The following CCDC171 variants were observed in gnomAD, a reference collection of about 807,000 sequenced individuals.
CCDC171 encodes the protein coiled-coil domain containing 171.
In CCDC171, 177 loss-of-function variants were observed where a neutral mutation model predicts 168.2. The ratio of observed to expected loss-of-function variants is 1.05; its 90% CI spans 0.93 to 1.19. The LOEUF is 1.19. Among genes scored for constraint, CCDC171 ranks in the 50% most tolerant of loss-of-function variants. The pLI is 0.00. For synonymous variants in CCDC171, 687 were observed against 540.8 expected, an observed-to-expected ratio of 1.27 and a Z score of -3.75; for missense variants, 1,991 against 1,539.0, an observed-to-expected ratio of 1.29 and a Z score of -4.91.
intron 4 of CCDC171, among the ~76,000 whole-genome samples, chr9:15,590,727 A>G (rs1288561990): frequency 3.9e-5 from 6 of 151,944 alleles, no homozygotes; most frequent in Non-Finnish European, 8.8e-5. Context: ...CTTGCCCTAT[A>G]TATCACAGTC....
intron 25 of CCDC171, among the ~76,000 whole-genome samples, chr9:15,945,877 T>G (rs1457253029): frequency 6.6e-6 from 1 of 150,826 alleles, no homozygotes; most frequent in Admixed American, 6.6e-5. Flanking sequence ...AGAAGCTCTT[T>G]AGTTTAATTA....
chr9:15,619,068 A>G (rs1260258995), intron 6 of CCDC171, among the ~76,000 whole-genome samples: 1 of 151,890 alleles, frequency 6.6e-6, no homozygotes, highest in Non-Finnish European at 1.5e-5. Context: ...TTATAAATAT[A>G]TGTGTTCTCA....
At chr9:15,909,710 A>C (rs1823327861) in intron 24 of CCDC171, among the ~76,000 whole-genome samples, 1 of 152,232 alleles carries the variant, frequency 6.6e-6, no homozygotes, top group African/African-American at 2.4e-5. Context: ...TTGGAATGAA[A>C]GTAAGTCTAA....
At chr9:16,036,718 G>C (rs10756739) in intron 8 of CCDC171, among the ~76,000 whole-genome samples, 56,312 of 152,168 alleles carry the variant, frequency 0.37, 12,273 homozygotes, top group East Asian at 0.63. Context: ...TGTCAATCAA[G>C]AATTCTGAAC....
chr9:15,652,995 A>G (rs1195125877), intron 7 of CCDC171, among the ~76,000 whole-genome samples: 1 of 152,142 alleles, frequency 6.6e-6, no homozygotes, highest in Non-Finnish European at 1.5e-5. Context: ...TATGTGGGGA[A>G]TATTTTCTTT....
intron 7 of CCDC171, among the ~76,000 whole-genome samples, chr9:15,641,906 G>A (rs1019489773): frequency 2.0e-5 from 3 of 152,182 alleles, no homozygotes; most frequent in Non-Finnish European, 4.4e-5. Context: ...GCTCACGCCT[G>A]TAATCCCAGC....
intron 3 of CCDC171, among the ~76,000 whole-genome samples, chr9:15,982,125 G>T (rs1235774482): frequency 6.6e-6 from 1 of 152,106 alleles, no homozygotes; most frequent in Non-Finnish European, 1.5e-5. Flanking sequence ...CATACTGAAG[G>T]CTGATGTATG....
intron 1 of CCDC171, among the ~76,000 whole-genome samples, chr9:15,558,946 T>C: frequency 6.6e-6 from 1 of 152,186 alleles, no homozygotes; most frequent in Non-Finnish European, 1.5e-5. Context: ...TTGTTCTCAT[T>C]GGTTTCAAAG....
rs185117460 is a variant in CCDC171 at position 15,982,721 on chromosome 9, C to G, written n.369-37868C>G. The stretch of plus-strand genomic sequence containing the variant: ...TGCTCTCAGCCTAATTTCCACATGA[C>G]CCAGGCATGGTCACTTTAGGTTCTT... On this transcript the variant is annotated intron_variant and non_coding_transcript_variant, in intron 3 of 9. Coordinates refer to the CCDC171 transcript ENST00000486641. Among the ~76,000 whole-genome samples, 271 of 152,166 alleles carry G rather than the reference C, an allele frequency of 1.8e-3. 1 individual carries two copies. The highest frequency in any genetic ancestry group is 6.4e-3 in the African/African-American group (265 of 41,528).
intron 24 of CCDC171, among the ~76,000 whole-genome samples, chr9:15,890,319 T>C (rs147476449): frequency 1.8e-4 from 27 of 152,252 alleles, no homozygotes; most frequent in African/African-American, 6.5e-4. Flanking sequence ...TGCTGGGTGA[T>C]TAGGAGAGGC....
At chr9:15,640,427 T>C (rs1021980049) in intron 7 of CCDC171, among the ~76,000 whole-genome samples, 2 of 152,132 alleles carry the variant, frequency 1.3e-5, no homozygotes, top group African/African-American at 4.8e-5. Flanking sequence ...GAATGCCTTA[T>C]TAAGATTTAA....
At chr9:15,803,788 T>A (rs1301945689) in intron 21 of CCDC171, among the ~76,000 whole-genome samples, 1 of 152,152 alleles carries the variant, frequency 6.6e-6, no homozygotes, top group Non-Finnish European at 1.5e-5. Context: ...AATATTTTTT[T>A]CTTTTTCTGT....
At chr9:15,801,475 A>G (rs2058818154) in intron 21 of CCDC171, among the ~76,000 whole-genome samples, 2 of 152,062 alleles carry the variant, frequency 1.3e-5, no homozygotes, top group Admixed American at 1.3e-4. Context: ...TGTATCCTGC[A>G]GCTTTAGTGA....
the CCDC171 span, among the ~76,000 whole-genome samples, chr9:16,103,513 A>G: frequency 2.6e-5 from 4 of 152,234 alleles, no homozygotes; most frequent in Non-Finnish European, 5.9e-5. Context: ...TTTTCCATAA[A>G]GAGCCCCTTG....
chr9:15,634,978 T>G (rs2046089355), intron 7 of CCDC171, among the ~76,000 whole-genome samples: 1 of 152,230 alleles, frequency 6.6e-6, no homozygotes, highest in Admixed American at 6.5e-5. Context: ...TAGTGCTTCA[T>G]TCTTTTTTAT....
At chr9:15,971,290 G>A (rs537724264) in intron 25 of CCDC171, among the ~76,000 whole-genome samples, 1 of 152,076 alleles carries the variant, frequency 6.6e-6, no homozygotes, top group South Asian at 2.1e-4. Flanking sequence ...AATTGCCAAT[G>A]GACTGAAGTC....
chr9:15,864,406 C>G (rs1056436238), intron 23 of CCDC171, among the ~76,000 whole-genome samples: 16 of 151,992 alleles, frequency 1.1e-4, no homozygotes, highest in African/African-American at 3.9e-4. Flanking sequence ...GTGTGTTGCA[C>G]CCATTAACTT....
chr9:15,703,471 AT>A (rs1041032332), intron 11 of CCDC171, among the ~76,000 whole-genome samples: 1 of 151,316 alleles, frequency 6.6e-6, no homozygotes, highest in Non-Finnish European at 1.5e-5. Flanking sequence ...CATGAGATCA[AT>A]TTTTTTTTAG....
intron 21 of CCDC171, among the ~76,000 whole-genome samples, chr9:15,810,081 T>G (rs998694704): frequency 6.6e-6 from 1 of 152,136 alleles, no homozygotes; most frequent in Non-Finnish European, 1.5e-5. Context: ...AACCCCGAGC[T>G]AGACACAGAG....
Sources: gnomAD v4.1 joint callset for allele counts (sites outside exome capture counted in the v4.1 genomes callset) on GRCh38, gnomAD v4.1.1 for gene constraint, MANE v1.5 for transcripts, NCBI Gene and HGNC (gene_info 2026-07-23, HGNC 2026-07-21) for gene names.